C8orf34: variants seen among roughly 807,000 people sequenced by gnomAD.
C8orf34 encodes the protein chromosome 8 open reading frame 34.
In C8orf34, 65 loss-of-function variants were observed where a neutral mutation model predicts 68.3. The observed-to-expected ratio is 0.95, with a 90% CI of 0.78 to 1.17. The LOEUF is 1.17. C8orf34 is among the 50% of genes most tolerant of loss of function. The pLI, the probability that C8orf34 is intolerant of heterozygous loss-of-function variation, is 0.00. For missense variants in C8orf34, 664 were observed against 655.4 expected (o/e 1.01, Z -0.14); for synonymous variants, 244 against 241.2 (o/e 1.01, Z -0.11).
chr8:68,618,118 T>C (rs1324481582), intron 7 of C8orf34, among the ~76,000 whole-genome samples: 6 of 152,144 alleles, frequency 3.9e-5, no homozygotes, highest in Admixed American at 2.0e-4. Flanking sequence ...CTCAAATGGA[T>C]ATCAATTTTC....
chr8:68,411,937 G>T (rs1016099747), intron 1 of C8orf34, among the ~76,000 whole-genome samples: 8 of 152,182 alleles, frequency 5.3e-5, no homozygotes, highest in Admixed American at 1.3e-4. Context: ...GCCTTTGGGA[G>T]GTGATTAAGT....
chr8:68,391,105 CA>C (rs1424761517), intron 1 of C8orf34, among the ~76,000 whole-genome samples: 1 of 152,104 alleles, frequency 6.6e-6, no homozygotes, highest in Non-Finnish European at 1.5e-5. Flanking sequence ...GCCAAATTGA[CA>C]CATAAAACTA....
chr8:68,392,656 A>T (rs1294699779), intron 1 of C8orf34, among the ~76,000 whole-genome samples: 1 of 152,106 alleles, frequency 6.6e-6, no homozygotes, highest in Non-Finnish European at 1.5e-5. Context: ...ATATTAATAA[A>T]AGAATATTCA....
chr8:68,424,304 A>C lies in C8orf34; in HGVS notation c.328-15195A>C, dbSNP rs1369871136. On this transcript the variant is annotated intron_variant, in intron 1 of 13. Transcript: ENST00000518698. The stretch of plus-strand genomic sequence containing the variant: ...ACTAAAGCCCACAAAAGTAGGCCAG[A>C]ACCTACATGCTCAACCTAAACGGGG... Among the ~76,000 whole-genome samples, 5 of 152,322 alleles carry C rather than the reference A, an allele frequency of 3.3e-5. No homozygotes were observed. In the East Asian group the frequency reaches 9.7e-4, roughly 29 times the overall value.
At position 68,504,524 on chromosome 8, in the gene C8orf34, CT is replaced by C. The variant is rs1339331776; in HGVS notation, c.765+16479del. The stretch of plus-strand genomic sequence containing the variant: ...CTGCCAAATTGATTTTCTTTTTTTT[CT>C]TTTTTCTTTCTTTTGAGACAGTCTT... On this transcript the variant is annotated intron_variant, in intron 5 of 13. Coordinates refer to ENST00000518698, the MANE Select transcript of C8orf34 (RefSeq NM_052958.4). 2.6e-5 allele frequency among the ~76,000 whole-genome samples: 4 copies of C among 151,610 alleles called. No homozygotes were observed. The East Asian group carries it at 7.8e-4, about 30-fold the overall frequency.
chr8:68,511,256 A>C (rs1814262339), intron 5 of C8orf34, among the ~76,000 whole-genome samples: 1 of 152,192 alleles, frequency 6.6e-6, no homozygotes, highest in Non-Finnish European at 1.5e-5. Flanking sequence ...TCGTGGATGG[A>C]GCAATGGTGA....
chr8:68,402,806 CT>C, intron 1 of C8orf34, among the ~76,000 whole-genome samples: 1 of 152,178 alleles, frequency 6.6e-6, no homozygotes, highest in East Asian at 1.9e-4. Flanking sequence ...AAAAATGTGA[CT>C]TATTTTGAGG....
chr8:68,534,971 A>G (rs1815401055), intron 7 of C8orf34: 4 of 985,364 alleles, frequency 4.1e-6, no homozygotes, highest in African/African-American at 3.5e-5. Context: ...AATAAGAGAT[A>G]GTTGAAGGTT....
chr8:68,360,269 C>G (rs1171156708), intron 1 of C8orf34, among the ~76,000 whole-genome samples: 1 of 152,086 alleles, frequency 6.6e-6, no homozygotes, highest in East Asian at 1.9e-4. Context: ...TGAAATGGTC[C>G]CAACCCCATT....
chr8:68,491,393 G>A (rs1400433307), intron 5 of C8orf34, among the ~76,000 whole-genome samples: 1 of 152,132 alleles, frequency 6.6e-6, no homozygotes, highest in African/African-American at 2.4e-5. Flanking sequence ...TAGTTTCAAA[G>A]TTGAACATGA....
Position 68,675,579 on chromosome 8 carries a change from AC to A in C8orf34, c.1242-33414del, listed in dbSNP as rs566257742. Reference sequence around the variant, plus strand: ...CATAGTAATCTCAAATAAAAAAAAAACACACACAAAATATAAAAAGCAAGAA... The same window carrying A: ...CATAGTAATCTCAAATAAAAAAAAAAACACACAAAATATAAAAAGCAAGAA... On this transcript the variant is annotated intron_variant, in intron 8 of 13. Coordinates refer to ENST00000518698, the MANE Select transcript of C8orf34 (RefSeq NM_052958.4). Among the ~76,000 whole-genome samples, 9 of 150,278 alleles carry A rather than the reference AC, an allele frequency of 6.0e-5. No homozygotes were observed. In the South Asian group the frequency reaches 8.3e-4, roughly 14 times the overall value.
At chr8:68,495,358 G>T (rs1813482875) in intron 5 of C8orf34, among the ~76,000 whole-genome samples, 1 of 151,846 alleles carries the variant, frequency 6.6e-6, no homozygotes. Context: ...TATAGATTAT[G>T]CCATTTTATC....
intron 7 of C8orf34, among the ~76,000 whole-genome samples, chr8:68,610,385 T>C (rs1817981287): frequency 1.3e-5 from 2 of 152,164 alleles, no homozygotes; most frequent in South Asian, 4.1e-4. Flanking sequence ...ATTATTTATG[T>C]AGTGATTCTC....
chr8:68,580,736 T>C (rs1279732124), intron 7 of C8orf34, among the ~76,000 whole-genome samples: 2 of 152,190 alleles, frequency 1.3e-5, no homozygotes, highest in African/African-American at 4.8e-5. Context: ...GTACCAAAGT[T>C]ATTAACTTAG....
At chr8:68,502,559 G>A (rs906096974) in intron 5 of C8orf34, among the ~76,000 whole-genome samples, 1 of 152,090 alleles carries the variant, frequency 6.6e-6, no homozygotes, top group South Asian at 2.1e-4. Context: ...GTCATTTTTG[G>A]GGGAGGTTAG....
At chr8:68,531,377 C>G (rs575720554) in intron 6 of C8orf34, among the ~76,000 whole-genome samples, 2 of 152,152 alleles carry the variant, frequency 1.3e-5, no homozygotes, top group South Asian at 2.1e-4. Context: ...CTACAACAGT[C>G]CTCTGCCTTT....
chr8:68,481,734 A>G (rs1812868737), intron 4 of C8orf34, among the ~76,000 whole-genome samples: 1 of 151,996 alleles, frequency 6.6e-6, no homozygotes, highest in South Asian at 2.1e-4. Flanking sequence ...GTTTTGGCCA[A>G]TTTCTCCCTT....
At position 68,815,921 on chromosome 8, in the gene C8orf34, T is replaced by C; in HGVS notation, c.1585T>C (p.Ser529Pro). Residue 529 changes from serine (S) to proline (P), a missense_variant, in exon 13 of 14, where the codon TCT becomes CCT. Physicochemically the swap from Ser to Pro is moderately conservative, Grantham distance 74 (BLOSUM62 -1). Transcript: ENST00000518698. ...TCTTCTTCTTTGCGTTCCATGCTCT[T>C]CTTGTCCTACGCTGGTCTACTCTGG... is the stretch of plus-strand genomic sequence containing the variant. ...ADLLLCVPCS[S>P]CPTLVYSGL 6.2e-7 allele frequency: 1 copy of C among 1,613,882 alleles called. No individual in the cohort carries two copies. The highest frequency in any genetic ancestry group is 8.5e-7 in the Non-Finnish European group (1 of 1,179,820).
At chr8:68,783,387 G>A (rs765919670) in intron 11 of C8orf34, among the ~76,000 whole-genome samples, 4 of 152,044 alleles carry the variant, frequency 2.6e-5, no homozygotes, top group East Asian at 1.9e-4. Flanking sequence ...GCATGGAGGC[G>A]TGTGCCTGCA....
Sources: allele counts gnomAD v4.1 joint callset (sites outside exome capture counted in the v4.1 genomes callset), GRCh38; gene constraint gnomAD v4.1.1; transcripts MANE v1.5; gene names NCBI Gene and HGNC (gene_info 2026-07-23, HGNC 2026-07-21).